Variants in PCGF5 observed in about 807,000 individuals in gnomAD.
PCGF5 encodes the protein polycomb group ring finger 5, also known as polycomb group RING finger protein 5.
In PCGF5, 9 loss-of-function variants were observed where a neutral mutation model predicts 44.3. That is an observed-to-expected ratio of 0.20 (90% CI 0.12 to 0.35). The LOEUF (loss-of-function observed/expected upper bound fraction) is 0.35, where lower values mean the gene tolerates loss of function less well. PCGF5 is among the 10% of genes least tolerant of loss of function. PCGF5 has a pLI of 1.00. For missense variants in PCGF5, 146 were observed against 305.3 expected (o/e 0.48, Z 3.89); for synonymous variants, 95 against 102.5 (o/e 0.93, Z 0.44).
At chr10:91,242,727 A>T (rs867524900) in intron 3 of PCGF5, among the ~76,000 whole-genome samples, 12 of 152,254 alleles carry the variant, frequency 7.9e-5, no homozygotes, top group Middle Eastern at 6.8e-3. Context: ...TATCATGTGC[A>T]TATGTGTATT....
At chr10:91,267,136 C>T (rs1846067087) in intron 8 of PCGF5, among the ~76,000 whole-genome samples, 1 of 152,158 alleles carries the variant, frequency 6.6e-6, no homozygotes, top group Non-Finnish European at 1.5e-5. Context: ...CACAGCACTC[C>T]AGCCACACTG....
chr10:91,189,944 A>G (rs1180095466), intron 1 of PCGF5, among the ~76,000 whole-genome samples: 1 of 152,254 alleles, frequency 6.6e-6, no homozygotes, highest in Non-Finnish European at 1.5e-5. Context: ...ATAGTTTACA[A>G]ATCAATAAAA....
rs559965306 is a variant in PCGF5, at chr10:91,249,533, A to G, written c.325+809A>G. 7.9e-5 allele frequency among the ~76,000 whole-genome samples: 12 copies of G among 151,570 alleles called. No individual in the cohort carries two copies. In the East Asian group the frequency reaches 1.4e-3, roughly 17 times the overall value. ...CCTAAATATCATTTAAAGTTATTCAAGAATGTGTGTGTGTTCTTATAGGGT... is the reference window on the plus strand; with the variant it reads ...CCTAAATATCATTTAAAGTTATTCAGGAATGTGTGTGTGTTCTTATAGGGT... On this transcript the variant is annotated intron_variant, in intron 5 of 9. Transcript: ENST00000336126.
At position 91,240,649 on chromosome 10, in the gene PCGF5, T is replaced by A; in HGVS notation, c.209+69T>A. 3 of 945,964 alleles carry A rather than the reference T, an allele frequency of 3.2e-6. No homozygotes were observed. The East Asian group carries it at 7.6e-5, about 24-fold the overall frequency. The allele number at this position is 945,964 out of a possible 1,614,324, so 58.6% of individuals were successfully genotyped here. A position where few individuals can be genotyped will look rare whatever the true frequency, so the allele number is the denominator to read the frequency against. Reference sequence around the variant, plus strand: ...GAATAGGCTCTTAATTTTTATTGTATGTCATAATATTTCATGTTGTCTTGA... The same window carrying A: ...GAATAGGCTCTTAATTTTTATTGTAAGTCATAATATTTCATGTTGTCTTGA... On this transcript the variant is annotated intron_variant, in intron 3 of 9. Transcript: ENST00000336126.
At chr10:91,222,277 T>G (rs1416041387) in intron 1 of PCGF5, among the ~76,000 whole-genome samples, 2 of 152,176 alleles carry the variant, frequency 1.3e-5, no homozygotes, top group African/African-American at 4.8e-5. Flanking sequence ...TCAACTTGGT[T>G]TGACTCGTAA....
intron 2 of PCGF5, among the ~76,000 whole-genome samples, chr10:91,233,315 A>T (rs1845061451): frequency 6.6e-6 from 1 of 152,158 alleles, no homozygotes; most frequent in Non-Finnish European, 1.5e-5. Context: ...TGGCTTGCTC[A>T]GTCTAAGATC....
At chr10:91,165,447 T>C (rs1438950834) in intron 1 of PCGF5, among the ~76,000 whole-genome samples, 1 of 152,206 alleles carries the variant, frequency 6.6e-6, no homozygotes, top group Non-Finnish European at 1.5e-5. Context: ...GAAAACAGCC[T>C]GAAGTTTAGC....
intron 1 of PCGF5, among the ~76,000 whole-genome samples, chr10:91,168,173 G>C (rs1162011421): frequency 6.6e-6 from 1 of 152,142 alleles, no homozygotes; most frequent in Non-Finnish European, 1.5e-5. Context: ...TTATGGAGGG[G>C]GATGGTGAAC....
At chr10:91,208,473 C>G (rs74149086) in intron 1 of PCGF5, among the ~76,000 whole-genome samples, 1 of 152,270 alleles carries the variant, frequency 6.6e-6, no homozygotes, top group East Asian at 1.9e-4. Flanking sequence ...TTCTGCATTC[C>G]TAACAAGATC....
At chr10:91,219,523 A>T (rs998421942), upstream of PCGF5, among the ~76,000 whole-genome samples, 2 of 152,204 alleles carry the variant, frequency 1.3e-5, no homozygotes, top group African/African-American at 4.8e-5. Flanking sequence ...ATAAAGAGTA[A>T]TCCTACTGCC....
intron 5 of PCGF5, 86 bp downstream of exon 5, chr10:91,248,810 G>A: frequency 8.8e-7 from 1 of 1,140,742 alleles, no homozygotes; most frequent in South Asian, 1.4e-5. Flanking sequence ...TGTCTCTTCA[G>A]GCTCACATTT....
chr10:91,218,341 A>G (rs957458058), upstream of PCGF5, among the ~76,000 whole-genome samples: 1 of 151,918 alleles, frequency 6.6e-6, no homozygotes, highest in Non-Finnish European at 1.5e-5. Flanking sequence ...CCCTGGTCCT[A>G]TATCCAGTTG....
At chr10:91,258,744 AAT>A (rs1845821870) in intron 6 of PCGF5, among the ~76,000 whole-genome samples, 1 of 152,110 alleles carries the variant, frequency 6.6e-6, no homozygotes, top group Non-Finnish European at 1.5e-5. Flanking sequence ...AAATGGGTAG[AAT>A]ATGTGTTGAT....
intron 1 of PCGF5, among the ~76,000 whole-genome samples, chr10:91,186,424 T>C (rs1265025189): frequency 6.6e-6 from 1 of 152,208 alleles, no homozygotes; most frequent in African/African-American, 2.4e-5. Flanking sequence ...TTGGAAGTCT[T>C]GTTGCATTGA....
At chr10:91,202,305 A>G (rs558626414) in intron 1 of PCGF5, among the ~76,000 whole-genome samples, 1 of 152,286 alleles carries the variant, frequency 6.6e-6, no homozygotes, top group South Asian at 2.1e-4. Context: ...CCTGGATTTG[A>G]ATCCACCACC....
At chr10:91,177,654 A>T (rs1211718916) in intron 1 of PCGF5, among the ~76,000 whole-genome samples, 1 of 152,090 alleles carries the variant, frequency 6.6e-6, no homozygotes, top group Non-Finnish European at 1.5e-5. Context: ...TCAATCTCAG[A>T]CTGCTGTGCT....
chr10:91,225,116 A>G (rs1281619107), intron 2 of PCGF5, among the ~76,000 whole-genome samples: 2 of 151,488 alleles, frequency 1.3e-5, no homozygotes, highest in East Asian at 1.9e-4. Flanking sequence ...TGAAATCCCA[A>G]TTTAAATGTA....
At position 91,278,427 on chromosome 10, in the gene PCGF5, A is replaced by T; in HGVS notation, c.*111A>T. On this transcript the variant is annotated 3_prime_UTR_variant, in exon 10 of 10. Coordinates refer to ENST00000336126, the MANE Select transcript of PCGF5 (RefSeq NM_032373.5). Reference sequence around the variant, plus strand: ...AGAGGAACACAACCAGATTTTCAGCATGCAAATAAGGCCATTGTCTATCTC... The same window carrying T: ...AGAGGAACACAACCAGATTTTCAGCTTGCAAATAAGGCCATTGTCTATCTC... 1.0e-6 allele frequency: 1 copy of T among 965,378 alleles called. No individual in the cohort carries two copies. Among genetic ancestry groups the T allele is most frequent in the Non-Finnish European group, 1.7e-6 (1 of 604,668 alleles). The allele number at this position is 965,378 out of a possible 1,614,324, so 59.8% of individuals were successfully genotyped here. A position where few individuals can be genotyped will look rare whatever the true frequency, so the allele number is the denominator to read the frequency against.
Position 91,273,635 on chromosome 10 carries a change from A to G in PCGF5, c.723+1938A>G, listed in dbSNP as rs1846236155. On this transcript the variant is annotated intron_variant, in intron 9 of 9. Transcript: ENST00000336126. The stretch of plus-strand genomic sequence containing the variant: ...GAATTCTCTCTAATTTTCAAGGAAT[A>G]TATCATTCCTATGCTGTATCTATTG... Among the ~76,000 whole-genome samples the G allele has an allele frequency of 2.6e-5, 4 of 152,144 alleles. No individual in the cohort carries two copies. In the South Asian group the frequency reaches 8.3e-4, roughly 31 times the overall value.
Sources: allele counts gnomAD v4.1 joint callset (sites outside exome capture counted in the v4.1 genomes callset), GRCh38; gene constraint gnomAD v4.1.1; transcripts MANE v1.5; gene names NCBI Gene and HGNC (gene_info 2026-07-23, HGNC 2026-07-21).